Variants in F8 observed in about 807,000 individuals in gnomAD.
F8 encodes coagulation factor VIII.
Under a neutral mutation model 140.6 loss-of-function variants are expected in F8, and 12 were observed. The ratio of observed to expected loss-of-function variants is 0.09; its 90% CI spans 0.05 to 0.14. The LOEUF is 0.14. Ranked by LOEUF, F8 falls within the 10% of genes least tolerant of loss-of-function variation. The probability of loss-of-function intolerance (pLI) is 1.00; values close to 1 mark genes in which losing one functional copy is unlikely to be tolerated. For synonymous variants in F8, 585 were observed against 614.6 expected (o/e 0.95, Z 0.71); for missense variants, 1,354 against 1,720.7 (o/e 0.79, Z 3.77).
chrX:154,965,939 T>C, intron 9 of F8, 31 bp downstream of exon 9: 1 of 1,202,681 alleles, frequency 8.3e-7, no homozygotes, highest in Non-Finnish European at 1.1e-6. Flanking sequence ...TTTTTCTTCT[T>C]ACCTGACCTT....
intron 14 of F8, among the ~76,000 whole-genome samples, chrX:154,927,015 T>C (rs987889032): frequency 9.0e-6 from 1 of 111,150 alleles, no homozygotes; most frequent in Non-Finnish European, 1.9e-5. Context: ...GTAAGTTTAG[T>C]AGAAAAGTGA....
chrX:154,907,163 C>G (rs28370215), intron 14 of F8, among the ~76,000 whole-genome samples: 7,390 of 111,486 alleles, frequency 0.066, 598 homozygotes, highest in African/African-American at 0.23. Flanking sequence ...ATAATTTTAC[C>G]AGTTACGTAT....
chrX:154,917,255 T>C lies in F8; in HGVS notation c.5220-10682A>G, dbSNP rs148210433. Among the ~76,000 whole-genome samples the C allele has an allele frequency of 9.9e-3, 1,115 of 112,199 alleles. 13 individuals carry two copies. In the Middle Eastern group the frequency reaches 0.14, roughly 14 times the overall value. On this transcript the variant is annotated intron_variant, in intron 14 of 25. Transcript: ENST00000360256. ...AGAAGAATGTATATTCTGTAGTAGT[T>C]GGATAAAATGTTCTGTAAAATGTCA...
At position 154,877,094 on chromosome X, in the gene F8, A is replaced by G. The variant is rs192571397; in HGVS notation, c.6430-13867T>C. On this transcript the variant is annotated intron_variant, in intron 22 of 25. Coordinates refer to ENST00000360256, the MANE Select transcript of F8 (RefSeq NM_000132.4). ...TTTATGTTGAACTTAAGAGTATTAT[A>G]TAGCTAATAAATGTTGATCATTAAC... Among the ~76,000 whole-genome samples the G allele has an allele frequency of 3.6e-5, 4 of 112,381 alleles. No homozygotes were observed. In the East Asian group the frequency reaches 1.1e-3, roughly 31 times the overall value.
At position 154,930,869 on chromosome X, in the gene F8, C is replaced by A; in HGVS notation, c.2921G>T (p.Ser974Ile). Residue 974 changes from serine (S) to isoleucine (I), a missense_variant, in exon 14 of 26, where the codon AGC (serine) becomes ATC (isoleucine). Ser to Ile is a moderately radical substitution (Grantham distance 142, BLOSUM62 -2). This residue lies in a region of F8 where 658 missense variants were observed against 666.5 expected (regional missense o/e 0.99). Coordinates refer to ENST00000360256, the MANE Select transcript of F8 (RefSeq NM_000132.4). ...ATTTTTTCCCCATGAACTTTCTTGG[C>A]TATTCATTAAACCTGATTCTAACAA... Reference protein sequence around the residue: ...SKLLESGLMNSQESSWGKNVS... With the variant: ...SKLLESGLMNIQESSWGKNVS... 1 of 1,206,629 alleles carries A rather than the reference C, an allele frequency of 8.3e-7. No individual in the cohort carries two copies. Among genetic ancestry groups the A allele is most frequent in the African/African-American group, 1.7e-5 (1 of 57,617 alleles).
chrX:154,863,024 C>A, intron 23 of F8, 59 bp downstream of exon 23: 1 of 1,149,638 alleles, frequency 8.7e-7, no homozygotes, highest in Non-Finnish European at 1.2e-6. Flanking sequence ...ATAACTAGAA[C>A]AGTTAGTCAC....
chrX:154,859,234 A>G (rs1318339601), intron 25 of F8, among the ~76,000 whole-genome samples: 1 of 111,356 alleles, frequency 9.0e-6, no homozygotes, highest in African/African-American at 3.3e-5. Context: ...TCCCTGACTA[A>G]CACACTCATA....
chrX:154,900,008 G>C, intron 20 of F8, 57 bp from the exon 21 acceptor site: 1 of 1,032,679 alleles, frequency 9.7e-7, no homozygotes, highest in Non-Finnish European at 1.4e-6. Context: ...CTAGACACTT[G>C]AGAATAAAAT....
chrX:155,011,700 C>T (rs372926993), intron 1 of F8, among the ~76,000 whole-genome samples: 4 of 112,165 alleles, frequency 3.6e-5, no homozygotes, highest in African/African-American at 1.3e-4. Context: ...TCTATCCATA[C>T]AATGGAGTAT....
At chrX:154,965,032 C>T (rs1467828472) in intron 9 of F8, among the ~76,000 whole-genome samples, 4 of 111,858 alleles carry the variant, frequency 3.6e-5, no homozygotes, top group Non-Finnish European at 7.5e-5. Flanking sequence ...ACAAAATTTA[C>T]AAGCAGGCAA....
chrX:154,963,313 T>C (rs925553602), intron 9 of F8, among the ~76,000 whole-genome samples: 12 of 112,229 alleles, frequency 1.1e-4, no homozygotes, highest in Non-Finnish European at 1.7e-4. Context: ...AAGTTGCTTA[T>C]CAGCTTAAGG....
intron 25 of F8, among the ~76,000 whole-genome samples, chrX:154,859,284 C>T (rs928361701): frequency 4.6e-5 from 5 of 109,603 alleles, no homozygotes; most frequent in African/African-American, 1.7e-4. Flanking sequence ...TATGTCTGGC[C>T]TATTCACTTA....
intron 25 of F8, among the ~76,000 whole-genome samples, chrX:154,853,179 G>A (rs1268626916): frequency 2.7e-5 from 3 of 110,423 alleles, no homozygotes; most frequent in Non-Finnish European, 5.7e-5. Context: ...CCTAAATATT[G>A]TATTATCTTT....
intron 6 of F8, among the ~76,000 whole-genome samples, chrX:154,980,804 C>T (rs1241474783): frequency 1.8e-5 from 2 of 111,079 alleles, no homozygotes; most frequent in Non-Finnish European, 3.8e-5. Flanking sequence ...CCCCACCCCA[C>T]ACACAAAACC....
At chrX:154,909,165 C>T (rs1396343900) in intron 14 of F8, 1 of 218,529 alleles carries the variant, frequency 4.6e-6, no homozygotes. Context: ...ATTCAAAAGA[C>T]TTTATTTCAG....
In F8 at chrX:154,930,125, G is replaced by A. The variant is rs1557278603; in HGVS notation, c.3665C>T (p.Thr1222Ile). 1 of 1,207,950 alleles carries A rather than the reference G, an allele frequency of 8.3e-7. No homozygotes were observed. Among genetic ancestry groups the A allele is most frequent in the East Asian group, 3.0e-5 (1 of 33,811 alleles). Residue 1222 changes from threonine (T) to isoleucine (I), a missense_variant, in exon 14 of 26, where the codon ACA becomes ATA. Thr to Ile is a moderately conservative substitution (Grantham distance 89, BLOSUM62 -1). Transcript: ENST00000360256. ...CAAAACTACATTCTCTTGGATTAAT[G>A]TTTCCTTCTTTTCTATTTCTTCCTG... ...KIQEEIEKKE[T>I]LIQENVVLPQ...
chrX:154,924,300 C>T (rs782058139), intron 14 of F8, among the ~76,000 whole-genome samples: 85 of 111,483 alleles, frequency 7.6e-4, no homozygotes, highest in African/African-American at 2.5e-3. Context: ...GCTCAGAAGA[C>T]GACAGGAAAA....
intron 25 of F8, among the ~76,000 whole-genome samples, chrX:154,840,731 A>G (rs1001846620): frequency 3.6e-5 from 4 of 112,375 alleles, no homozygotes; most frequent in African/African-American, 3.2e-5. Flanking sequence ...AACAAAAGAA[A>G]TTTATTCACT....
At chrX:154,981,809 C>A in intron 6 of F8, among the ~76,000 whole-genome samples, 1 of 110,473 alleles carries the variant, frequency 9.1e-6, no homozygotes, top group Admixed American at 9.6e-5. Context: ...AAATTTATGA[C>A]AATTTGAAAA....
Sources: gnomAD v4.1 joint callset for allele counts (sites outside exome capture counted in the v4.1 genomes callset) on GRCh38, gnomAD v4.1.1 for gene constraint, gnomAD v4.1.1 regional missense constraint, MANE v1.5 for transcripts, NCBI Gene and HGNC (gene_info 2026-07-23, HGNC 2026-07-21) for gene names.